CHDH: variants seen among roughly 807,000 people sequenced by gnomAD.
CHDH encodes choline dehydrogenase, mitochondrial.
Under a neutral mutation model 56.9 loss-of-function variants are expected in CHDH, and 43 were observed. The observed-to-expected ratio is 0.76, with a 90% confidence interval of 0.59 to 0.97. The LOEUF (loss-of-function observed/expected upper bound fraction) is 0.97. CHDH is among the 50% of genes least tolerant of loss of function. The pLI, the probability that CHDH is intolerant of heterozygous loss-of-function variation, is 0.00. For synonymous variants in CHDH, 364 were observed against 348.5 expected, an observed-to-expected ratio of 1.04 and a Z score of -0.50; for missense variants, 816 against 821.1, an observed-to-expected ratio of 0.99 and a Z score of 0.08.
Position 53,843,177 on chromosome 3 carries a change from TC to T in CHDH, c.-130-2179del, listed in dbSNP as rs1174010295. Among the ~76,000 whole-genome samples the T allele has an allele frequency of 5.6e-3, 443 of 78,644 alleles. 2 individuals carry two copies. Among genetic ancestry groups the T allele is most frequent in the African/African-American group, 0.014 (376 of 26,552 alleles). The allele number at this position is 78,644 out of a possible 152,430, so 51.6% of individuals were successfully genotyped here. A position where few individuals can be genotyped will look rare whatever the true frequency, so the allele number is the denominator to read the frequency against. ...CGTGACTCTTGGGTCCTAGGGAATT[TC>T]CCCCCCCACCTTTTTTTTTTTTTTT... On this transcript the variant is annotated intron_variant, in intron 1 of 8. Coordinates refer to ENST00000315251, the MANE Select transcript of CHDH (RefSeq NM_018397.5).
chr3:53,832,563 C>A (rs150304552), intron 2 of CHDH, among the ~76,000 whole-genome samples: 1 of 151,732 alleles, frequency 6.6e-6, no homozygotes, highest in African/African-American at 2.4e-5. Context: ...CAAAAAAAAA[C>A]AGGTGAGTAG....
At chr3:53,832,776 G>A (rs1397210608) in intron 2 of CHDH, among the ~76,000 whole-genome samples, 2 of 152,218 alleles carry the variant, frequency 1.3e-5, no homozygotes, top group Admixed American at 6.5e-5. Flanking sequence ...ACTAGGAGAC[G>A]AGGGGAAGGG....
chr3:53,818,871 G>A, intron 8 of CHDH, 67 bp downstream of exon 8: 1 of 975,554 alleles, frequency 1.0e-6, no homozygotes, highest in Non-Finnish European at 1.7e-6. Context: ...ATGATTCAGG[G>A]ATAAACAGGA....
At chr3:53,822,453 AC>A in intron 4 of CHDH, 37 bp downstream of exon 4, 1 of 1,577,982 alleles carries the variant, frequency 6.3e-7, no homozygotes, top group Non-Finnish European at 8.6e-7. Context: ...GTCACTGCCC[AC>A]CCCCTTCTTC....
In CHDH at chr3:53,822,515, A is replaced by T. The variant is rs2095629124; in HGVS notation, c.831T>A (p.Tyr277Ter). The change falls in exon 4 of 9, where the codon TAT (tyrosine) becomes TAA (stop). Residue 277 changes from tyrosine (Y) to a stop codon, truncating the protein, a stop_gained. Transcript: ENST00000315251. LOFTEE classifies it high-confidence loss of function. ...CCCTGTGGCTCTGGCCATTCTTGAC[A>T]TACTCCACGCCCACTGCACGGGTGC... ...FEGTRAVGVE[Y>*]VKNGQSHRAY... The T allele has an allele frequency of 1.9e-6, 3 of 1,612,936 alleles. No homozygotes were observed. In the Middle Eastern group the frequency reaches 5.0e-4, roughly 266 times the overall value.
At position 53,823,567 on chromosome 3, in the gene CHDH, C is replaced by G; in HGVS notation, c.442G>C (p.Glu148Gln). 3.2e-6 allele frequency: 5 copies of G among 1,543,220 alleles called. No homozygotes were observed. The highest frequency in any genetic ancestry group is 4.4e-6 in the Non-Finnish European group (5 of 1,146,274). ...VYVRGHAEDYERWQRQGARGW... is the reference protein window; with the variant it reads ...VYVRGHAEDYQRWQRQGARGW... ...CGGGCGCCCTGGCGCTGCCAGCGCTCGTAGTCCTCGGCGTGCCCACGGACG... is the reference window on the plus strand; with the variant it reads ...CGGGCGCCCTGGCGCTGCCAGCGCTGGTAGTCCTCGGCGTGCCCACGGACG... Residue 148 changes from glutamate (E) to glutamine (Q), a missense_variant, in exon 3 of 9, where the codon GAG (glutamate) becomes CAG (glutamine). Physicochemically the swap from Glu to Gln is conservative, Grantham distance 29. Transcript: ENST00000315251.
At chr3:53,830,549 T>C (rs907759700) in intron 2 of CHDH, among the ~76,000 whole-genome samples, 1 of 151,944 alleles carries the variant, frequency 6.6e-6, no homozygotes, top group Admixed American at 6.6e-5. Flanking sequence ...CCTACAACAA[T>C]AACTGGAGAC....
rs369923460 is a variant in CHDH at position 53,821,742 on chromosome 3, C to T, written c.890G>A (p.Gly297Asp). ...YASKEVILSG[G>D]AINSPQLLML... ...GAGCAGCTGTGGAGAGTTGATGGCACCTCCACTCAGAATCACCTCCTTGCT... is the reference window on the plus strand; with the variant it reads ...GAGCAGCTGTGGAGAGTTGATGGCATCTCCACTCAGAATCACCTCCTTGCT... Residue 297 changes from glycine to aspartate, a missense_variant, in exon 5 of 9, where the codon GGT (glycine) becomes GAT (aspartate). Gly to Asp is a moderately conservative substitution (Grantham distance 94). Transcript: ENST00000315251. The T allele has an allele frequency of 8.1e-6, 13 of 1,614,032 alleles. No homozygotes were observed. The highest frequency in any genetic ancestry group is 2.7e-5 in the African/African-American group (2 of 75,022).
chr3:53,842,820 A>T, intron 1 of CHDH, among the ~76,000 whole-genome samples: 1 of 152,196 alleles, frequency 6.6e-6, no homozygotes. Context: ...TGCCAAGCTT[A>T]ACCAGCTGGA....
intron 2 of CHDH, among the ~76,000 whole-genome samples, chr3:53,836,112 G>C (rs2106979348): frequency 6.6e-6 from 1 of 152,354 alleles, no homozygotes; most frequent in Admixed American, 6.5e-5. Context: ...GTGGTGGGCT[G>C]AGGGGAGTGC....
chr3:53,839,127 G>C (rs1315144226), intron 2 of CHDH, among the ~76,000 whole-genome samples: 1 of 152,204 alleles, frequency 6.6e-6, no homozygotes, highest in African/African-American at 2.4e-5. Flanking sequence ...ACTCACCAAG[G>C]TGACTTCACA....
At chr3:53,833,750 T>C (rs1043687511) in intron 2 of CHDH, among the ~76,000 whole-genome samples, 1 of 152,232 alleles carries the variant, frequency 6.6e-6, no homozygotes, top group East Asian at 1.9e-4. Context: ...AGGCCCAGTC[T>C]AGTGCCTGGA....
chr3:53,822,597 C>T lies in CHDH; in HGVS notation c.749G>A (p.Ser250Asn), dbSNP rs752306481. The change falls in exon 4 of 9, where the codon AGC (serine) becomes AAC (asparagine). Residue 250 changes from serine to asparagine, a missense_variant. Physicochemically the swap from Ser to Asn is conservative, Grantham distance 46. Transcript: ENST00000315251. ...AACAYLHPAL[S>N]RTNLKAEAET... ...GGCCTCGGCCTTGAGGTTGGTGCGG[C>T]TCAGTGCTGGGTGCAGGTAGGCACA... 3 of 1,612,320 alleles carry T rather than the reference C, an allele frequency of 1.9e-6. No individual in the cohort carries two copies. The highest frequency in any genetic ancestry group is 3.3e-5 in the Admixed American group (2 of 60,004).
At chr3:53,831,197 G>A (rs1047246115) in intron 2 of CHDH, among the ~76,000 whole-genome samples, 5 of 152,234 alleles carry the variant, frequency 3.3e-5, no homozygotes, top group African/African-American at 1.2e-4. Context: ...AAAGGGAAAA[G>A]TGGGAAGGAC....
intron 1 of CHDH, among the ~76,000 whole-genome samples, chr3:53,845,658 G>GCCTGACCCGGA (rs975486105): frequency 1.1e-4 from 17 of 152,266 alleles, no homozygotes; most frequent in African/African-American, 3.9e-4. Context: ...CAGATCCCGG[G>GCCTGACCCGGA]CCTGACCCGG....
At position 53,817,846 on chromosome 3, in the gene CHDH, C is replaced by T; in HGVS notation, c.1716G>A (p.Lys572=). 1 of 1,614,174 alleles carries T rather than the reference C, an allele frequency of 6.2e-7. No individual in the cohort carries two copies. Among genetic ancestry groups the T allele is most frequent in the Non-Finnish European group, 8.5e-7 (1 of 1,180,024 alleles). ...CTTTGTCCCAGAGTGCAGGCTGCCC[C>T]TTGATAATGTCAGCTGCCTTCTCTG... ...MIAEKAADII[K]GQPALWDKDV... Residue 572 remains lysine (K), a synonymous_variant, in exon 9 of 9, where the codon AAG becomes AAA. Transcript: ENST00000315251.
intron 4 of CHDH, 122 bp downstream of exon 4, chr3:53,822,369 G>A (rs897546523): frequency 5.3e-5 from 48 of 906,274 alleles, no homozygotes; most frequent in South Asian, 4.5e-4. Context: ...CCCTCCCCCC[G>A]CCATCACAGG....
At chr3:53,839,841 T>A (rs1446895963) in intron 2 of CHDH, among the ~76,000 whole-genome samples, 6 of 152,350 alleles carry the variant, frequency 3.9e-5, no homozygotes, top group Admixed American at 2.6e-4. Flanking sequence ...ACAGATTTTT[T>A]AAAAATGTGA....
chr3:53,821,639 G>T lies in CHDH; in HGVS notation c.985+8C>A. 6.2e-7 allele frequency: 1 copy of T among 1,612,612 alleles called. No individual in the cohort carries two copies. Among genetic ancestry groups the T allele is most frequent in the South Asian group, 1.1e-5 (1 of 91,012 alleles). The stretch of plus-strand genomic sequence containing the variant: ...AGCCTCTGGGGAGCAGTAAAGAAGG[G>T]GACTCACCAGGTAGGTGGCACACCA... On this transcript the variant is annotated splice_region_variant and intron_variant, in intron 5 of 8. Coordinates refer to ENST00000315251, the MANE Select transcript of CHDH (RefSeq NM_018397.5).
Sources: gnomAD v4.1 joint callset for allele counts (sites outside exome capture counted in the v4.1 genomes callset) on GRCh38, gnomAD v4.1.1 for gene constraint, MANE v1.5 for transcripts, NCBI Gene and HGNC (gene_info 2026-07-23, HGNC 2026-07-21) for gene names.